Variants in ASIC2 observed in about 807,000 individuals in gnomAD.
ASIC2 encodes acid-sensing ion channel 2.
Under a neutral mutation model 57.3 loss-of-function variants are expected in ASIC2, and 25 were observed. The observed-to-expected ratio is 0.44, with a 90% CI of 0.32 to 0.61. The LOEUF is 0.61. ASIC2 is among the 20% of genes least tolerant of loss of function. The probability of loss-of-function intolerance (pLI) is 0.06; values close to 1 mark genes in which losing one functional copy is unlikely to be tolerated. For synonymous variants in ASIC2, 319 were observed against 307.5 expected (o/e 1.04, Z -0.39); for missense variants, 641 against 738.1 (o/e 0.87, Z 1.52).
At chr17:33,604,610 T>C (rs542822531) in intron 1 of ASIC2, among the ~76,000 whole-genome samples, 7 of 151,588 alleles carry the variant, frequency 4.6e-5, no homozygotes, top group Admixed American at 3.3e-4. Flanking sequence ...ACCTGAGGGG[T>C]GGAGTGAATT....
intron 1 of ASIC2, among the ~76,000 whole-genome samples, chr17:33,383,648 C>A (rs1387752936): frequency 6.6e-6 from 1 of 152,222 alleles, no homozygotes; most frequent in Non-Finnish European, 1.5e-5. Context: ...TTAGCCCCCA[C>A]CAGGGCCCCA....
chr17:33,146,962 TA>T (rs1242698880), intron 1 of ASIC2, among the ~76,000 whole-genome samples: 2 of 152,192 alleles, frequency 1.3e-5, no homozygotes, highest in Non-Finnish European at 2.9e-5. Flanking sequence ...TCAAACTGAG[TA>T]ATTCTATTTT....
At chr17:33,489,620 C>T (rs935520874) in intron 1 of ASIC2, among the ~76,000 whole-genome samples, 1 of 152,216 alleles carries the variant, frequency 6.6e-6, no homozygotes, top group African/African-American at 2.4e-5. Context: ...CAGGCCAGGG[C>T]CACTTCCTCT....
intron 1 of ASIC2, among the ~76,000 whole-genome samples, chr17:33,728,162 T>C (rs964490431): frequency 1.3e-5 from 2 of 152,050 alleles, no homozygotes; most frequent in African/African-American, 4.8e-5. Context: ...TTCTGAAGAC[T>C]CCAAGAGGGC....
chr17:33,393,392 C>A (rs565945386), intron 1 of ASIC2, among the ~76,000 whole-genome samples: 1 of 152,072 alleles, frequency 6.6e-6, no homozygotes, highest in African/African-American at 2.4e-5. Context: ...TCTTCCTTCT[C>A]CCGCCCACAT....
At chr17:33,326,382 A>T (rs1907081510) in intron 1 of ASIC2, among the ~76,000 whole-genome samples, 1 of 152,178 alleles carries the variant, frequency 6.6e-6, no homozygotes, top group Non-Finnish European at 1.5e-5. Context: ...CCTCATTGTT[A>T]TGTTTGTCAA....
chr17:34,012,952 C>G lies in ASIC2; in HGVS notation c.555+143026G>C, dbSNP rs372675343. Among the ~76,000 whole-genome samples, 236 of 152,234 alleles carry G rather than the reference C, an allele frequency of 1.6e-3. 1 individual carries two copies. The highest frequency in any genetic ancestry group is 5.5e-3 in the African/African-American group (228 of 41,530). ...GCACCATTTTCTCAGGGCAATGTCC[C>G]CCACTTCCCCACCTGGCTCTGGAGG... On this transcript the variant is annotated intron_variant, in intron 1 of 9. Transcript: ENST00000359872.
chr17:33,506,582 G>A (rs894568825), intron 1 of ASIC2, among the ~76,000 whole-genome samples: 3 of 152,188 alleles, frequency 2.0e-5, no homozygotes, highest in Non-Finnish European at 4.4e-5. Context: ...GGGTGTGTGT[G>A]TGTGTACCGT....
upstream of ASIC2, among the ~76,000 whole-genome samples, chr17:33,296,497 A>G (rs950505261): frequency 6.6e-6 from 1 of 152,236 alleles, no homozygotes; most frequent in African/African-American, 2.4e-5. Flanking sequence ...CTCTCCACCA[A>G]GAAATTAGCA....
At chr17:33,904,104 A>C (rs1477405018) in intron 1 of ASIC2, among the ~76,000 whole-genome samples, 1 of 136,112 alleles carries the variant, frequency 7.3e-6, no homozygotes, top group Non-Finnish European at 1.5e-5. Flanking sequence ...CGGAGGTTGC[A>C]GTGAACCGAG....
intron 1 of ASIC2, among the ~76,000 whole-genome samples, chr17:33,347,411 G>A (rs1907990658): frequency 6.6e-6 from 1 of 152,132 alleles, no homozygotes; most frequent in Admixed American, 6.5e-5. Context: ...ACAAAGAATA[G>A]GCAAGTGAAC....
chr17:33,759,932 G>T lies in ASIC2; in HGVS notation c.555+396046C>A, dbSNP rs144173115. Among the ~76,000 whole-genome samples, 80 of 152,208 alleles carry T rather than the reference G, an allele frequency of 5.3e-4. 1 individual carries two copies. Among genetic ancestry groups the T allele is most frequent in the African/African-American group, 1.4e-3 (57 of 41,558 alleles). On this transcript the variant is annotated intron_variant, in intron 1 of 9. Coordinates refer to the ASIC2 transcript ENST00000359872. The stretch of plus-strand genomic sequence containing the variant: ...GAGCCACCACAAAGTCCCCACTAGG[G>T]TAATGCCTAGTGGAGCCATGGGAAC...
rs150864696 is a variant in ASIC2, at chr17:33,892,683, A to G, written c.555+263295T>C. ...AAGAATAGCATTTTCCTTCTCTCCAACACAGTTCCTGGCACACAGAAATCA... is the reference window on the plus strand; with the variant it reads ...AAGAATAGCATTTTCCTTCTCTCCAGCACAGTTCCTGGCACACAGAAATCA... On this transcript the variant is annotated intron_variant, in intron 1 of 9. Transcript: ENST00000359872. Among the ~76,000 whole-genome samples the G allele has an allele frequency of 1.8e-3, 271 of 152,352 alleles. 3 individuals are homozygous for G. The highest frequency in any genetic ancestry group is 6.3e-3 in the African/African-American group (262 of 41,588).
chr17:33,215,575 AAC>A (rs1047981394), intron 1 of ASIC2, among the ~76,000 whole-genome samples: 8 of 152,384 alleles, frequency 5.2e-5, no homozygotes, highest in African/African-American at 1.7e-4. Context: ...AAAAATCTAA[AAC>A]ATTAAGCCTA....
At chr17:33,415,711 G>GGA (rs147198573) in intron 1 of ASIC2, among the ~76,000 whole-genome samples, 4 of 151,444 alleles carry the variant, frequency 2.6e-5, no homozygotes, top group South Asian at 2.1e-4. Context: ...GAGCTGGAGG[G>GGA]GAGAGAGAGA....
chr17:34,120,195 T>C (rs1184805842), intron 1 of ASIC2: 3 of 152,218 alleles, frequency 2.0e-5, no homozygotes, highest in African/African-American at 7.2e-5. Flanking sequence ...ATGACAATTA[T>C]GGGGGAACTG....
intron 1 of ASIC2, among the ~76,000 whole-genome samples, chr17:34,090,883 G>C (rs547563973): frequency 6.6e-6 from 1 of 152,166 alleles, no homozygotes; most frequent in South Asian, 2.1e-4. Flanking sequence ...GATTTGGAAG[G>C]CTCCAGGAGA....
chr17:33,367,320 T>G (rs911879255), intron 1 of ASIC2, among the ~76,000 whole-genome samples: 7 of 152,224 alleles, frequency 4.6e-5, no homozygotes, highest in African/African-American at 1.7e-4. Flanking sequence ...ACGAACTCCC[T>G]TAAGGAACTC....
At chr17:33,202,135 C>A (rs1290429943) in intron 1 of ASIC2, among the ~76,000 whole-genome samples, 1 of 152,130 alleles carries the variant, frequency 6.6e-6, no homozygotes, top group Non-Finnish European at 1.5e-5. Context: ...AAGAACCCAT[C>A]CTGGGCTAAG....
Sources: allele counts gnomAD v4.1 joint callset (sites outside exome capture counted in the v4.1 genomes callset), GRCh38; gene constraint gnomAD v4.1.1; transcripts MANE v1.5; gene names NCBI Gene and HGNC (gene_info 2026-07-23, HGNC 2026-07-21).